Variants in MCF2L2 observed in about 807,000 individuals in gnomAD.
MCF2L2 encodes the protein probable guanine nucleotide exchange factor MCF2L2.
Under a neutral mutation model 150.2 loss-of-function variants are expected in MCF2L2, and 102 were observed. That is an observed-to-expected ratio of 0.68 (90% CI 0.58 to 0.80). MCF2L2 has a LOEUF of 0.80. Among genes scored for constraint, MCF2L2 ranks in the 30% least tolerant of loss-of-function variants. MCF2L2 has a pLI of 0.00. For synonymous variants in MCF2L2, 465 were observed against 491.3 expected, an observed-to-expected ratio of 0.95 and a Z score of 0.71; for missense variants, 1,256 against 1,372.8, an observed-to-expected ratio of 0.91 and a Z score of 1.34.
At chr3:183,288,638 C>T (rs1424525765) in intron 14 of MCF2L2, among the ~76,000 whole-genome samples, 4 of 152,034 alleles carry the variant, frequency 2.6e-5, no homozygotes, top group Non-Finnish European at 5.9e-5. Context: ...TCTGCCACCA[C>T]GCCCATCTAA....
intron 18 of MCF2L2, chr3:183,224,447 A>T (rs1323701260): frequency 1.4e-5 from 5 of 355,720 alleles, no homozygotes; most frequent in East Asian, 9.0e-5. Context: ...TGGTAAATAC[A>T]TAAGTAGACT....
At position 183,217,016 on chromosome 3, in the gene MCF2L2, C is replaced by A. The variant is rs370609493; in HGVS notation, c.2371-922G>T. 6.6e-5 allele frequency among the ~76,000 whole-genome samples: 10 copies of A among 151,030 alleles called. No homozygotes were observed. The East Asian group carries it at 1.6e-3, about 24-fold the overall frequency. On this transcript the variant is annotated intron_variant, in intron 21 of 29. Transcript: ENST00000328913. ...ACTGAAAAAAAAAATACCATATGGC[C>A]GGGCGGGTGGCTCATGCCTGTAATC...
chr3:183,354,869 G>A (rs543939872), intron 3 of MCF2L2, among the ~76,000 whole-genome samples: 10 of 152,152 alleles, frequency 6.6e-5, no homozygotes, highest in African/African-American at 2.4e-4. Context: ...AGTCAACATA[G>A]GTATGTTACT....
chr3:183,180,303 C>G, intron 27 of MCF2L2, 144 bp from the exon 28 acceptor site: 1 of 637,318 alleles, frequency 1.6e-6, no homozygotes, highest in Non-Finnish European at 2.8e-6. Flanking sequence ...CTGCACTGCG[C>G]TGGGCTGTGA....
chr3:183,206,177 C>T lies in MCF2L2; in HGVS notation c.2750G>A (p.Ser917Asn). The T allele has an allele frequency of 6.2e-7, 1 of 1,614,180 alleles. No individual in the cohort carries two copies. Among genetic ancestry groups the T allele is most frequent in the Non-Finnish European group, 8.5e-7 (1 of 1,180,006 alleles). ...ACTGGCAATCTCAAACTTTCTATGG[C>T]TCCCCCTTCCAAGCTGGCGAATTGA... is the stretch of plus-strand genomic sequence containing the variant. ...TLSIRQLGRG[S>N]HRKFEIASRN... is the part of the protein sequence containing the mutation. Residue 917 changes from serine to asparagine, a missense_variant, in exon 24 of 30, where the codon AGC becomes AAC. Transcript: ENST00000328913.
chr3:183,293,273 A>G (rs1728268634), intron 13 of MCF2L2, among the ~76,000 whole-genome samples: 1 of 152,212 alleles, frequency 6.6e-6, no homozygotes, highest in Admixed American at 6.5e-5. Context: ...GACATTTCAT[A>G]ATTATAAAAG....
At chr3:183,394,113 A>T (rs1714316555) in intron 1 of MCF2L2, among the ~76,000 whole-genome samples, 1 of 152,232 alleles carries the variant, frequency 6.6e-6, no homozygotes, top group Non-Finnish European at 1.5e-5. Flanking sequence ...AGACCCTGTG[A>T]CATTACTGCT....
intron 3 of MCF2L2, among the ~76,000 whole-genome samples, chr3:183,367,350 C>A (rs1355302130): frequency 6.6e-6 from 1 of 151,902 alleles, no homozygotes; most frequent in Admixed American, 6.6e-5. Context: ...CTCAGCCTCC[C>A]AAGTAGCTGG....
At chr3:183,329,418 C>T (rs1730179311) in intron 5 of MCF2L2, among the ~76,000 whole-genome samples, 2 of 152,158 alleles carry the variant, frequency 1.3e-5, no homozygotes, top group South Asian at 4.1e-4. Flanking sequence ...AACTCCTGAC[C>T]TTAGGTGATC....
intron 2 of MCF2L2, among the ~76,000 whole-genome samples, chr3:183,383,463 G>A (rs1325986471): frequency 7.2e-5 from 11 of 152,010 alleles, no homozygotes; most frequent in South Asian, 2.1e-4. Context: ...CTTAACTCCC[G>A]ACCTCAGGTG....
intron 2 of MCF2L2, among the ~76,000 whole-genome samples, chr3:183,380,503 G>A (rs1163933133): frequency 6.6e-6 from 1 of 152,148 alleles, no homozygotes; most frequent in Non-Finnish European, 1.5e-5. Context: ...ACAGGTTCAA[G>A]CGATTCTCCT....
chr3:183,261,515 T>A (rs1230480547), intron 15 of MCF2L2, among the ~76,000 whole-genome samples: 17 of 152,140 alleles, frequency 1.1e-4, no homozygotes, highest in Non-Finnish European at 2.4e-4. Context: ...GAAATTTTTT[T>A]AAAAACTGTG....
In MCF2L2 at chr3:183,206,991, AAGGAAGGGAGGG is replaced by A. The variant is rs1306224896; in HGVS notation, c.2712+605_2712+616del. 9.2e-3 allele frequency among the ~76,000 whole-genome samples: 1,085 copies of A among 117,610 alleles called. 18 individuals are homozygous for A. The highest frequency in any genetic ancestry group is 0.031 in the African/African-American group (1,018 of 32,814). 77.2% of individuals were successfully genotyped at this position (117,610 alleles called of 152,430 possible). On this transcript the variant is annotated intron_variant, in intron 23 of 29. Coordinates refer to ENST00000328913, the MANE Select transcript of MCF2L2 (RefSeq NM_015078.4). The stretch of plus-strand genomic sequence containing the variant: ...GAAGGAAGGGAGGGAGGGAGGGAGG[AAGGAAGGGAGGG>A]AGGAAGGAAGGAAGGAAGGGGAGAA...
chr3:183,314,897 T>TTTTTC (rs771634276), intron 7 of MCF2L2, among the ~76,000 whole-genome samples: 81 of 4,764 alleles, frequency 0.017, 20 homozygotes, highest in African/African-American at 0.025. Flanking sequence ...AGTATCTCTT[T>TTTTTC]TTTTCTTTTC....
intron 15 of MCF2L2, among the ~76,000 whole-genome samples, chr3:183,249,176 G>A (rs1362857958): frequency 6.6e-6 from 1 of 152,222 alleles, no homozygotes; most frequent in African/African-American, 2.4e-5. Flanking sequence ...TCCTGAGTAG[G>A]AGAGAAAGAG....
chr3:183,388,296 C>T (rs1160522287), intron 2 of MCF2L2, among the ~76,000 whole-genome samples: 1 of 152,188 alleles, frequency 6.6e-6, no homozygotes, highest in Admixed American at 6.5e-5. Flanking sequence ...CCAGCCCACC[C>T]TGTCATCCAT....
chr3:183,326,605 T>A (rs1162332943), intron 5 of MCF2L2, among the ~76,000 whole-genome samples: 1 of 152,022 alleles, frequency 6.6e-6, no homozygotes, highest in Admixed American at 6.5e-5. Context: ...CATAGGAAGT[T>A]ACAAAGGCAG....
At chr3:183,424,135 A>G (rs1200424670) in intron 1 of MCF2L2, among the ~76,000 whole-genome samples, 1 of 151,826 alleles carries the variant, frequency 6.6e-6, no homozygotes, top group Admixed American at 6.5e-5. Context: ...AAAATCAAAC[A>G]ATATTTTTCT....
intron 1 of MCF2L2, among the ~76,000 whole-genome samples, chr3:183,412,682 C>G (rs918740360): frequency 1.3e-5 from 2 of 152,260 alleles, no homozygotes; most frequent in East Asian, 3.9e-4. Context: ...AGTTTTACTC[C>G]CTTTCCAATC....
Sources: allele counts gnomAD v4.1 joint callset (sites outside exome capture counted in the v4.1 genomes callset), GRCh38; gene constraint gnomAD v4.1.1; transcripts MANE v1.5; gene names NCBI Gene and HGNC (gene_info 2026-07-23, HGNC 2026-07-21).